Variants in CREB5 observed in about 807,000 individuals in gnomAD.
The protein encoded by CREB5 is cyclic AMP-responsive element-binding protein 5.
In CREB5, 19 loss-of-function variants were observed where a neutral mutation model predicts 57.1. The observed-to-expected ratio is 0.33, with a 90% confidence interval of 0.23 to 0.49. CREB5 has a LOEUF of 0.49. Ranked by LOEUF, CREB5 falls within the 20% of genes least tolerant of loss-of-function variation. The pLI is 0.99. For synonymous variants in CREB5, 238 were observed against 238.3 expected, an observed-to-expected ratio of 1.00 and a Z score of 0.01; for missense variants, 579 against 671.6, an observed-to-expected ratio of 0.86 and a Z score of 1.52.
intron 7 of CREB5, among the ~76,000 whole-genome samples, chr7:28,745,917 G>T (rs946135969): frequency 1.3e-5 from 2 of 152,176 alleles, no homozygotes; most frequent in Admixed American, 6.5e-5. Context: ...CCCTGCTTTT[G>T]CCTAAGAACA....
chr7:28,372,901 C>T (rs1303837234), intron 1 of CREB5, among the ~76,000 whole-genome samples: 4 of 152,122 alleles, frequency 2.6e-5, no homozygotes, highest in African/African-American at 9.7e-5. Context: ...ACTTGGGCTC[C>T]GGATAGCTAG....
chr7:28,531,328 T>C lies in CREB5; in HGVS notation c.291+23591T>C, dbSNP rs1313306494. On this transcript the variant is annotated intron_variant, in intron 4 of 10. Transcript: ENST00000357727. ...CAAGGCTGATTTCTTCTGAGAGCTT[T>C]GAAGGAGGCACTGCTCCAAGCCTCC... is the stretch of plus-strand genomic sequence containing the variant. Among the ~76,000 whole-genome samples, 2 of 152,194 alleles carry C rather than the reference T, an allele frequency of 1.3e-5. 1 individual carries two copies. The highest frequency in any genetic ancestry group is 6.3e-3 in the Middle Eastern group (2 of 316).
chr7:28,401,111 AT>A (rs1293870654), intron 1 of CREB5, among the ~76,000 whole-genome samples: 2 of 152,244 alleles, frequency 1.3e-5, no homozygotes, highest in African/African-American at 4.8e-5. Context: ...AGCAGAAAAA[AT>A]AAAGACTAAG....
intron 7 of CREB5, among the ~76,000 whole-genome samples, chr7:28,778,760 ATAAT>A (rs1244394374): frequency 6.6e-6 from 1 of 152,252 alleles, no homozygotes; most frequent in African/African-American, 2.4e-5. Flanking sequence ...CGTTATTTGG[ATAAT>A]TAAATACAAT....
intron 3 of CREB5, among the ~76,000 whole-genome samples, chr7:28,503,195 A>G (rs1792336851): frequency 1.3e-5 from 2 of 152,218 alleles, no homozygotes; most frequent in African/African-American, 2.4e-5. Flanking sequence ...TCGATCCACA[A>G]GTAGTCTCAG....
chr7:28,799,266 A>G (rs1420347847), intron 7 of CREB5, among the ~76,000 whole-genome samples: 1 of 152,204 alleles, frequency 6.6e-6, no homozygotes, highest in Non-Finnish European at 1.5e-5. Context: ...GGGGTGATCA[A>G]AAGTCTTCAT....
chr7:28,682,744 A>C (rs773393185), intron 5 of CREB5, among the ~76,000 whole-genome samples: 1 of 150,880 alleles, frequency 6.6e-6, no homozygotes, highest in Non-Finnish European at 1.5e-5. Context: ...CATATTTGCT[A>C]TGTTTCTCAT....
At chr7:28,467,672 T>C (rs1790646606) in intron 1 of CREB5, among the ~76,000 whole-genome samples, 1 of 152,126 alleles carries the variant, frequency 6.6e-6, no homozygotes, top group Non-Finnish European at 1.5e-5. Flanking sequence ...TTTCCCGCAT[T>C]GTTATGAAGC....
At chr7:28,799,881 A>G (rs890479939) in intron 7 of CREB5, among the ~76,000 whole-genome samples, 1 of 152,234 alleles carries the variant, frequency 6.6e-6, no homozygotes, top group Non-Finnish European at 1.5e-5. Flanking sequence ...TAATAAAATC[A>G]TCCTCCCACA....
At chr7:28,330,401 C>CTTTTTTTTT (rs10699932) in intron 1 of CREB5, among the ~76,000 whole-genome samples, 78 of 88,450 alleles carry the variant, frequency 8.8e-4, no homozygotes, top group East Asian at 1.3e-3. Flanking sequence ...GAGAACCTTA[C>CTTTTTTTTT]TTTTTTTTTT....
Position 28,674,031 on chromosome 7 carries a change from T to C in CREB5, c.465-44722T>C, listed in dbSNP as rs140029505. On this transcript the variant is annotated intron_variant, in intron 5 of 10. Coordinates refer to ENST00000357727, the MANE Select transcript of CREB5 (RefSeq NM_182898.4). ...TTGTTTAGGTATTAGAGCAGTGTTTTAACTCCCCCAAGAGCATCCATGGTA... is the reference window on the plus strand; with the variant it reads ...TTGTTTAGGTATTAGAGCAGTGTTTCAACTCCCCCAAGAGCATCCATGGTA... 4.5e-3 allele frequency among the ~76,000 whole-genome samples: 692 copies of C among 152,264 alleles called. 4 individuals carry two copies. Among genetic ancestry groups the C allele is most frequent in the Non-Finnish European group, 6.2e-3 (425 of 68,018 alleles).
At chr7:28,702,707 C>T (rs1285971340) in intron 5 of CREB5, among the ~76,000 whole-genome samples, 1 of 152,144 alleles carries the variant, frequency 6.6e-6, no homozygotes, top group Non-Finnish European at 1.5e-5. Flanking sequence ...AATAACCATA[C>T]CTATTAATAT....
intron 1 of CREB5, among the ~76,000 whole-genome samples, chr7:28,405,621 T>G (rs1787562669): frequency 6.6e-6 from 1 of 152,144 alleles, no homozygotes; most frequent in Non-Finnish European, 1.5e-5. Context: ...CTGTCTATGT[T>G]GCCCAAGCTG....
chr7:28,491,194 G>GT (rs747491423), intron 2 of CREB5: 96 of 985,258 alleles, frequency 9.7e-5, no homozygotes, highest in Non-Finnish European at 1.1e-4. Flanking sequence ...GAAGGAAACA[G>GT]TTTTTTTAAA....
At chr7:28,726,160 G>A (rs1050313565) in intron 7 of CREB5, among the ~76,000 whole-genome samples, 2 of 152,090 alleles carry the variant, frequency 1.3e-5, no homozygotes, top group Admixed American at 6.6e-5. Flanking sequence ...AGCACACCAC[G>A]AGGCTGATTC....
At chr7:28,678,664 A>G (rs1433854610) in intron 5 of CREB5, among the ~76,000 whole-genome samples, 3 of 152,224 alleles carry the variant, frequency 2.0e-5, no homozygotes, top group African/African-American at 7.2e-5. Flanking sequence ...AAACCAAAAT[A>G]TTATGTCAGC....
At chr7:28,496,873 ACT>A (rs1181182462) in intron 3 of CREB5, among the ~76,000 whole-genome samples, 2 of 151,948 alleles carry the variant, frequency 1.3e-5, no homozygotes, top group Non-Finnish European at 2.9e-5. Context: ...AGATGGAGAA[ACT>A]CAAATTCATA....
At chr7:28,747,810 CT>C (rs1404849762) in intron 7 of CREB5, among the ~76,000 whole-genome samples, 1 of 152,220 alleles carries the variant, frequency 6.6e-6, no homozygotes, top group African/African-American at 2.4e-5. Flanking sequence ...GTAATGGATG[CT>C]GAAAAACAGC....
chr7:28,490,322 G>T (rs1791743232), intron 2 of CREB5, among the ~76,000 whole-genome samples: 1 of 152,226 alleles, frequency 6.6e-6, no homozygotes, highest in Non-Finnish European at 1.5e-5. Flanking sequence ...ATAATACAGG[G>T]ATTAAGTTTA....
Sources: gnomAD v4.1 joint callset for allele counts (sites outside exome capture counted in the v4.1 genomes callset) on GRCh38, gnomAD v4.1.1 for gene constraint, MANE v1.5 for transcripts, NCBI Gene and HGNC (gene_info 2026-07-23, HGNC 2026-07-21) for gene names.